The following MAST3 variants were observed in gnomAD, a reference collection of about 807,000 sequenced individuals.
MAST3 encodes microtubule associated serine/threonine kinase 3, also known as microtubule-associated serine/threonine-protein kinase 3.
MAST3 carries 43 observed loss-of-function variants against 127.0 expected under a neutral mutation model. That is an observed-to-expected ratio of 0.34 (90% CI 0.27 to 0.44). MAST3 has a LOEUF of 0.44. Among genes scored for constraint, MAST3 ranks in the 20% least tolerant of loss-of-function variants. MAST3 has a pLI of 1.00. For synonymous variants in MAST3, 785 were observed against 809.2 expected (o/e 0.97, Z 0.51); for missense variants, 1,390 against 1,919.1 (o/e 0.72, Z 5.15).
chr19:18,131,704 A>G (rs2041307777), intron 14 of MAST3, among the ~76,000 whole-genome samples: 1 of 152,152 alleles, frequency 6.6e-6, no homozygotes, highest in Admixed American at 6.6e-5. Flanking sequence ...TCTCAAAAAG[A>G]AGAAAAAATT....
chr19:18,148,901 GA>G (rs11375222), intron 27 of MAST3, among the ~76,000 whole-genome samples: 40 of 147,754 alleles, frequency 2.7e-4, no homozygotes, highest in Non-Finnish European at 3.4e-4. Flanking sequence ...AGACTCTATT[GA>G]AAAAAAAAAA....
chr19:18,127,891 A>T (rs766399774), intron 11 of MAST3, among the ~76,000 whole-genome samples: 1 of 152,182 alleles, frequency 6.6e-6, no homozygotes, highest in Non-Finnish European at 1.5e-5. Flanking sequence ...TACTAATAAA[A>T]AATAAAGCTG....
chr19:18,149,762 G>A lies in MAST3; in HGVS notation c.*36G>A, dbSNP rs187507492. On this transcript the variant is annotated 3_prime_UTR_variant, in exon 28 of 28. Coordinates refer to ENST00000687212, the MANE Select transcript of MAST3 (RefSeq NM_001393504.1). The surrounding 1 kb of genome is among the most constrained non-coding windows in gnomAD (Gnocchi z 5.9). ...GGTCTCTCCCTGGCATCAAAGTTAC[G>A]CGTTTTCTTGTGCAATGTTTTTTCC... 57 of 1,605,704 alleles carry A rather than the reference G, an allele frequency of 3.5e-5. No homozygotes were observed. The highest frequency in any genetic ancestry group is 1.7e-4 in the Admixed American group (10 of 59,158).
Position 18,121,773 on chromosome 19 carries a change from G to T in MAST3, c.250G>T (p.Gly84Cys). 1.2e-6 allele frequency: 2 copies of T among 1,614,008 alleles called. No individual in the cohort carries two copies. The highest frequency in any genetic ancestry group is 1.7e-6 in the Non-Finnish European group (2 of 1,179,896). Reference protein sequence around the residue: ...RPLSPLSVPTGSSPLDSPRNF... With the variant: ...RPLSPLSVPTCSSPLDSPRNF... ...CCTGTCGCCATTGTCGGTCCCAACG[G>T]GTGAGTGTGGGAGCAGCCAGCGGGT... is the stretch of plus-strand genomic sequence containing the variant. Residue 84 changes from glycine (G) to cysteine (C), a missense_variant and splice_region_variant, in exon 4 of 28, where the codon GGC (glycine) becomes TGC (cysteine). Around this residue, in one of 5 missense-constraint regions of MAST3, gnomAD observed 45 missense variants for 113.0 expected, o/e 0.40. Coordinates refer to ENST00000687212, the MANE Select transcript of MAST3 (RefSeq NM_001393504.1).
intron 2 of MAST3, chr19:18,109,877 C>G: frequency 1.1e-6 from 1 of 933,108 alleles, no homozygotes; most frequent in South Asian, 4.9e-5. Flanking sequence ...GATCCCGGCT[C>G]CCAGAGAGCC....
intron 15 of MAST3, among the ~76,000 whole-genome samples, chr19:18,132,972 G>A (rs573332841): frequency 3.3e-5 from 5 of 152,230 alleles, no homozygotes; most frequent in East Asian, 1.9e-4. Context: ...GAGTGGTAGC[G>A]CGCACTTGTA....
Position 18,149,202 on chromosome 19 carries a change from T to G in MAST3, c.3520T>G (p.Ser1174Ala). 6.5e-7 allele frequency: 1 copy of G among 1,527,260 alleles called. No individual in the cohort carries two copies. The highest frequency in any genetic ancestry group is 8.8e-7 in the Non-Finnish European group (1 of 1,139,822). The allele number at this position is 1,527,260 out of a possible 1,614,324, so 94.6% of individuals were successfully genotyped here. ...APDVPADTTA[S>A]PPSASPSSSS... ...CTTATCACCCACAGATACCACTGCA[T>G]CCCCACCCAGCGCATCCCCGAGCTC... The change falls in exon 28 of 28, where the codon TCC becomes GCC. Residue 1174 changes from serine (S) to alanine (A), a missense_variant. Transcript: ENST00000687212. The surrounding 1 kb of genome is among the most constrained non-coding windows in gnomAD (Gnocchi z 5.9).
At chr19:18,136,042 G>A (rs1046007351) in intron 18 of MAST3, among the ~76,000 whole-genome samples, 4 of 152,182 alleles carry the variant, frequency 2.6e-5, no homozygotes, top group African/African-American at 9.6e-5. Flanking sequence ...GAAAGTAGCT[G>A]GGTCTGGTGC....
At chr19:18,108,009 A>C (rs2038202684) in intron 2 of MAST3, among the ~76,000 whole-genome samples, 1 of 152,072 alleles carries the variant, frequency 6.6e-6, no homozygotes, top group Non-Finnish European at 1.5e-5. Context: ...ATCATCTCTC[A>C]GCTAGGCACG....
At chr19:18,138,112 A>G (rs2042067460) in intron 19 of MAST3, among the ~76,000 whole-genome samples, 1 of 151,442 alleles carries the variant, frequency 6.6e-6, no homozygotes, top group Non-Finnish European at 1.5e-5. Context: ...TGGGAGGCTG[A>G]GGCACGAGAA....
Position 18,124,633 on chromosome 19 carries a change from T to C in MAST3, c.946-9T>C. On this transcript the variant is annotated splice_polypyrimidine_tract_variant and intron_variant, in intron 10 of 27. Coordinates refer to ENST00000687212, the MANE Select transcript of MAST3 (RefSeq NM_001393504.1). ...AAGCCCTGGGTGACCAGCCCTCCTG[T>C]GCCCCTAGGAGTTTGACCCTGAGGA... 6.4e-7 allele frequency: 1 copy of C among 1,563,524 alleles called. No homozygotes were observed. Among genetic ancestry groups the C allele is most frequent in the Non-Finnish European group, 8.6e-7 (1 of 1,156,380 alleles).
In MAST3 at chr19:18,108,351, G is replaced by GTT. The variant is rs35579185; in HGVS notation, c.71+745_71+746dup. Among the ~76,000 whole-genome samples the GTT allele has an allele frequency of 1.0e-4, 15 of 145,992 alleles. No individual in the cohort carries two copies. In the South Asian group the frequency reaches 1.3e-3, roughly 13 times the overall value. ...TCACATCAGTGTTCCTGTAGGTTGGGTTTTTTTTTTTTTGTTTTGCTTTGT... is the reference window on the plus strand; with the variant it reads ...TCACATCAGTGTTCCTGTAGGTTGGGTTTTTTTTTTTTTTTGTTTTGCTTTGT... On this transcript the variant is annotated intron_variant, in intron 2 of 27. Transcript: ENST00000687212.
At chr19:18,142,880 G>C (rs1202627307) in intron 21 of MAST3, among the ~76,000 whole-genome samples, 2 of 151,910 alleles carry the variant, frequency 1.3e-5, no homozygotes, top group African/African-American at 4.8e-5. Flanking sequence ...GGAAGCCGAG[G>C]CAGGTGGATT....
chr19:18,100,437 C>T (rs2037497124), intron 1 of MAST3, among the ~76,000 whole-genome samples: 1 of 151,984 alleles, frequency 6.6e-6, no homozygotes, highest in Admixed American at 6.6e-5. Context: ...AGAAGGATCT[C>T]TTGAGCCCAG....
Position 18,150,652 on chromosome 19 carries a change from C to T in MAST3, c.*926C>T, listed in dbSNP as rs2043466400. ...GATTCTGAAGGCCACTTCCCACCAT[C>T]ATAGCTGCCATGCCCAGGCAGTGCC... On this transcript the variant is annotated 3_prime_UTR_variant, in exon 28 of 28. Transcript: ENST00000687212. 2.6e-5 allele frequency: 4 copies of T among 152,296 alleles called. No homozygotes were observed. The highest frequency in any genetic ancestry group is 2.0e-4 in the Admixed American group (3 of 15,284). The allele number at this position is 152,296 out of a possible 1,614,324, so 9.4% of individuals were successfully genotyped here.
intron 25 of MAST3, 89 bp from the exon 26 acceptor site, chr19:18,146,792 G>T: frequency 7.6e-7 from 1 of 1,318,194 alleles, no homozygotes; most frequent in Non-Finnish European, 1.0e-6. Flanking sequence ...CCCAGCTGGT[G>T]CCCGGAGTGA....
chr19:18,151,145 G>C lies in MAST3; in HGVS notation c.*1419G>C. On this transcript the variant is annotated 3_prime_UTR_variant, in exon 28 of 28. Transcript: ENST00000687212. ...AGTCGAGGCTCAAGTTTGAATTTCA[G>C]CTTCACTGTGTGGCTCTGGGAAAAT... is the stretch of plus-strand genomic sequence containing the variant. 6.6e-6 allele frequency: 1 copy of C among 152,260 alleles called. No homozygotes were observed. The allele number at this position is 152,260 out of a possible 1,614,324, so 9.4% of individuals were successfully genotyped here. A position where few individuals can be genotyped will look rare whatever the true frequency, so the allele number is the denominator to read the frequency against.
intron 9 of MAST3, 41 bp downstream of exon 9, chr19:18,124,189 G>C (rs774573030): frequency 1.3e-5 from 20 of 1,592,374 alleles, no homozygotes; most frequent in Non-Finnish European, 1.7e-5. Flanking sequence ...CATGCAGTGG[G>C]ACGTGGAGTG....
intron 8 of MAST3, 57 bp from the exon 9 acceptor site, chr19:18,123,882 G>C: frequency 2.0e-6 from 3 of 1,470,334 alleles, no homozygotes; most frequent in Non-Finnish European, 2.8e-6. Flanking sequence ...GCCCCATTCT[G>C]CGTGTGTCAC....
Sources: allele counts gnomAD v4.1 joint callset (sites outside exome capture counted in the v4.1 genomes callset), GRCh38; gene constraint gnomAD v4.1.1; regional missense constraint gnomAD v4.1.1; non-coding constraint Gnocchi (gnomAD v3.1); transcripts MANE v1.5; gene names NCBI Gene and HGNC (gene_info 2026-07-23, HGNC 2026-07-21).